CYP7B1: variants seen among roughly 807,000 people sequenced by gnomAD.
CYP7B1 encodes cytochrome P450 7B1.
In CYP7B1, 29 loss-of-function variants were observed where a neutral mutation model predicts 42.7. That is an observed-to-expected ratio of 0.68 (90% CI 0.51 to 0.93). CYP7B1 has a LOEUF of 0.93. Among genes scored for constraint, CYP7B1 ranks in the 40% least tolerant of loss-of-function variants. The pLI is 0.00. For missense variants in CYP7B1, 655 were observed against 600.5 expected (o/e 1.09, Z -0.95); for synonymous variants, 235 against 218.2 (o/e 1.08, Z -0.68).
At chr8:64,756,971 T>C (rs1188504036) in intron 1 of CYP7B1, among the ~76,000 whole-genome samples, 1 of 152,178 alleles carries the variant, frequency 6.6e-6, no homozygotes, top group East Asian at 1.9e-4. Context: ...AGTGGGGATT[T>C]CCAGCACTTA....
intron 1 of CYP7B1, among the ~76,000 whole-genome samples, chr8:64,796,817 T>C (rs1189279124): frequency 6.6e-6 from 1 of 152,226 alleles, no homozygotes; most frequent in Non-Finnish European, 1.5e-5. Context: ...TATTCATGCA[T>C]ATTAGCATAA....
intron 1 of CYP7B1, among the ~76,000 whole-genome samples, chr8:64,797,045 G>A (rs956289474): frequency 3.3e-5 from 5 of 152,134 alleles, no homozygotes; most frequent in African/African-American, 9.7e-5. Flanking sequence ...GGCATTAAAC[G>A]GTCTTCCTGG....
intron 1 of CYP7B1, among the ~76,000 whole-genome samples, chr8:64,697,465 G>T (rs1371488000): frequency 6.6e-6 from 1 of 152,122 alleles, no homozygotes; most frequent in Non-Finnish European, 1.5e-5. Context: ...GTCCATTTCT[G>T]TATAACCAAC....
chr8:64,645,134 C>A (rs570297040), intron 1 of CYP7B1, among the ~76,000 whole-genome samples: 10 of 150,982 alleles, frequency 6.6e-5, no homozygotes, highest in African/African-American at 2.4e-4. Context: ...TGTATATGTG[C>A]CACATTTTCT....
intron 1 of CYP7B1, among the ~76,000 whole-genome samples, chr8:64,796,116 T>C (rs747893056): frequency 1.3e-5 from 2 of 152,230 alleles, no homozygotes; most frequent in Non-Finnish European, 2.9e-5. Context: ...TATGTATGTA[T>C]AAAAATCTCT....
intron 1 of CYP7B1, among the ~76,000 whole-genome samples, chr8:64,787,144 C>A (rs1008394186): frequency 6.6e-6 from 1 of 152,376 alleles, no homozygotes; most frequent in Middle Eastern, 3.4e-3. Flanking sequence ...AGGTCTCCAA[C>A]GCCCTGCAGA....
At chr8:64,756,392 G>A (rs1807808896) in intron 1 of CYP7B1, among the ~76,000 whole-genome samples, 1 of 152,212 alleles carries the variant, frequency 6.6e-6, no homozygotes, top group South Asian at 2.1e-4. Context: ...AGAATATGTT[G>A]ACAAGATCCT....
At position 64,593,671 on chromosome 8, in the gene CYP7B1, T is replaced by C. The variant is rs935510775; in HGVS notation, c.*2971A>G. ...TCTAAAGATTTTTCAGAGATAAAAA[T>C]CCAAGGAACATGGGCTCAGTAAACA... On this transcript the variant is annotated 3_prime_UTR_variant, in exon 6 of 6. Transcript: ENST00000310193. 5.3e-5 allele frequency among the ~76,000 whole-genome samples: 8 copies of C among 151,998 alleles called. No homozygotes were observed. Among genetic ancestry groups the C allele is most frequent in the Admixed American group, 2.6e-4 (4 of 15,254 alleles).
chr8:64,777,681 A>G (rs1441876721), intron 1 of CYP7B1, among the ~76,000 whole-genome samples: 1 of 152,078 alleles, frequency 6.6e-6, no homozygotes, highest in African/African-American at 2.4e-5. Flanking sequence ...GGAATAAGTT[A>G]GAAAACTATA....
intron 4 of CYP7B1, among the ~76,000 whole-genome samples, chr8:64,614,475 G>A (rs747405046): frequency 7.3e-5 from 11 of 150,760 alleles, no homozygotes; most frequent in Admixed American, 3.3e-4. Context: ...TCCCTCCTCC[G>A]TTTCTTCTTT....
At chr8:64,781,316 T>C (rs538878999) in intron 1 of CYP7B1, among the ~76,000 whole-genome samples, 1 of 152,292 alleles carries the variant, frequency 6.6e-6, no homozygotes, top group African/African-American at 2.4e-5. Context: ...TTACACTAGT[T>C]TTCTAAGAAT....
chr8:64,674,217 A>G (rs1367928918), intron 1 of CYP7B1, among the ~76,000 whole-genome samples: 1 of 152,180 alleles, frequency 6.6e-6, no homozygotes, highest in Non-Finnish European at 1.5e-5. Flanking sequence ...TTAACAGCTG[A>G]GTACTGACTA....
chr8:64,701,811 T>C (rs1806920315), intron 1 of CYP7B1, among the ~76,000 whole-genome samples: 1 of 152,032 alleles, frequency 6.6e-6, no homozygotes, highest in African/African-American at 2.4e-5. Context: ...AAACTCAAGC[T>C]GATCACAGGC....
intron 2 of CYP7B1, among the ~76,000 whole-genome samples, chr8:64,623,582 T>C (rs1805562552): frequency 6.6e-6 from 1 of 152,336 alleles, no homozygotes; most frequent in Non-Finnish European, 1.5e-5. Flanking sequence ...TAAAAAATGT[T>C]GTGAACTAGT....
intron 4 of CYP7B1, 85 bp downstream of exon 4, chr8:64,614,941 T>C (rs2129630163): frequency 2.3e-6 from 3 of 1,329,658 alleles, no homozygotes; most frequent in Non-Finnish European, 3.2e-6. Context: ...CTGTGTCCTC[T>C]ACCTCTTGGT....
intron 1 of CYP7B1, among the ~76,000 whole-genome samples, chr8:64,624,821 T>C (rs1805583757): frequency 6.6e-6 from 1 of 152,048 alleles, no homozygotes; most frequent in South Asian, 2.1e-4. Flanking sequence ...TAGTTGTGAT[T>C]TCTGAGATTT....
Position 64,591,282 on chromosome 8 carries a change from T to C in CYP7B1, c.*5360A>G, listed in dbSNP as rs1805029494. ...AGTTTTATGTGATCATTCATTATAA[T>C]TTAAAATAGTGCTACAGAGAATGTC... On this transcript the variant is annotated 3_prime_UTR_variant, in exon 6 of 6. Coordinates refer to ENST00000310193, the MANE Select transcript of CYP7B1 (RefSeq NM_004820.5). Among the ~76,000 whole-genome samples, 1 of 152,202 alleles carries C rather than the reference T, an allele frequency of 6.6e-6. No homozygotes were observed.
chr8:64,678,409 T>G (rs1327442008), intron 1 of CYP7B1, among the ~76,000 whole-genome samples: 2 of 152,114 alleles, frequency 1.3e-5, no homozygotes. Flanking sequence ...GCATCAATTC[T>G]TTAATCCTAG....
chr8:64,704,293 C>T (rs1212054228), intron 1 of CYP7B1, among the ~76,000 whole-genome samples: 1 of 151,982 alleles, frequency 6.6e-6, no homozygotes, highest in Non-Finnish European at 1.5e-5. Context: ...TCAAGTCATT[C>T]AATCAAACCT....
Sources: allele counts gnomAD v4.1 joint callset (sites outside exome capture counted in the v4.1 genomes callset), GRCh38; gene constraint gnomAD v4.1.1; transcripts MANE v1.5; gene names NCBI Gene and HGNC (gene_info 2026-07-23, HGNC 2026-07-21).